Variants in PGBD5 observed in about 807,000 individuals in gnomAD.
PGBD5 encodes piggyBac transposable element derived 5, also known as piggyBac transposable element-derived protein 5.
PGBD5 carries 14 observed loss-of-function variants against 47.9 expected under a neutral mutation model. The ratio of observed to expected loss-of-function variants is 0.29; its 90% CI spans 0.19 to 0.46. The LOEUF is 0.46. Ranked by LOEUF, PGBD5 falls within the 20% of genes least tolerant of loss-of-function variation. The probability of loss-of-function intolerance (pLI) is 1.00; values close to 1 mark genes in which losing one functional copy is unlikely to be tolerated. For synonymous variants in PGBD5, 316 were observed against 306.3 expected, an observed-to-expected ratio of 1.03 and a Z score of -0.33; for missense variants, 635 against 716.0, an observed-to-expected ratio of 0.89 and a Z score of 1.29.
chr1:230,390,136 G>T (rs943862238), intron 1 of PGBD5, among the ~76,000 whole-genome samples: 1 of 152,188 alleles, frequency 6.6e-6, no homozygotes, highest in Non-Finnish European at 1.5e-5. Context: ...GGACACAGCA[G>T]AGAGTGGGGA....
In PGBD5 at chr1:230,316,082, G is replaced by A. The variant is rs201573464; in HGVS notation, c.*7343C>T. 1.5e-4 allele frequency: 21 copies of A among 135,846 alleles called. 3 individuals are homozygous for A. The highest frequency in any genetic ancestry group is 2.4e-4 in the South Asian group (1 of 4,120). The allele number at this position is 135,846 out of a possible 1,614,324, so 8.4% of individuals were successfully genotyped here. A position where few individuals can be genotyped will look rare whatever the true frequency, so the allele number is the denominator to read the frequency against. On this transcript the variant is annotated 3_prime_UTR_variant, in exon 7 of 7. Transcript: ENST00000391860. ...TGTATGTGTATACATACATGTTTATGTGTATACATACATATGTTTATGTGT... is the reference window on the plus strand; with the variant it reads ...TGTATGTGTATACATACATGTTTATATGTATACATACATATGTTTATGTGT...
chr1:230,323,415 G>GC lies in PGBD5; in HGVS notation c.*9dup. ...TGCCCCTCCCTTGACCGAGTCCTGC[G>GC]CCCCCAGCATCAGTGGGTCGGAGAG... is the stretch of plus-strand genomic sequence containing the variant. On this transcript the variant is annotated 3_prime_UTR_variant, in exon 7 of 7. Transcript: ENST00000391860. This position sits in a 1 kb window ranked among gnomAD's most constrained non-coding sequence, Gnocchi z 4.1. The GC allele has an allele frequency of 6.2e-7, 1 of 1,610,474 alleles. No homozygotes were observed. The highest frequency in any genetic ancestry group is 8.5e-7 in the Non-Finnish European group (1 of 1,178,244).
chr1:230,331,900 T>C (rs1667222893), intron 5 of PGBD5, among the ~76,000 whole-genome samples: 1 of 151,414 alleles, frequency 6.6e-6, no homozygotes, highest in Non-Finnish European at 1.5e-5. Context: ...GGTCCCTTGA[T>C]CGCAATCTCC....
intron 3 of PGBD5, among the ~76,000 whole-genome samples, chr1:230,348,873 C>T (rs1004593450): frequency 2.6e-5 from 4 of 152,210 alleles, no homozygotes; most frequent in Non-Finnish European, 5.9e-5. Flanking sequence ...GCCTCCTTGG[C>T]TCTGCACCTC....
intron 1 of PGBD5, among the ~76,000 whole-genome samples, chr1:230,384,402 AG>A (rs754961300): frequency 2.0e-5 from 3 of 152,078 alleles, no homozygotes; most frequent in African/African-American, 4.8e-5. Flanking sequence ...GACTGTGTAG[AG>A]GGACTCTGGG....
intron 3 of PGBD5, 138 bp downstream of exon 3, chr1:230,350,820 G>T: frequency 7.8e-7 from 1 of 1,283,234 alleles, no homozygotes; most frequent in Non-Finnish European, 1.1e-6. Context: ...GGCCTCCGCA[G>T]GAGCATCTGG....
At chr1:230,375,777 G>C (rs752637467) in intron 1 of PGBD5, among the ~76,000 whole-genome samples, 1 of 149,578 alleles carries the variant, frequency 6.7e-6, no homozygotes, top group Non-Finnish European at 1.5e-5. Flanking sequence ...ACACGTACTA[G>C]TGTTGGCAGC....
intron 1 of PGBD5, among the ~76,000 whole-genome samples, chr1:230,375,944 T>C (rs1443598799): frequency 6.6e-6 from 1 of 151,714 alleles, no homozygotes; most frequent in East Asian, 1.9e-4. Flanking sequence ...CTGTGTGAGA[T>C]GCCTCAGTCC....
At chr1:230,365,948 CA>C (rs1455574831) in intron 1 of PGBD5, among the ~76,000 whole-genome samples, 1 of 152,224 alleles carries the variant, frequency 6.6e-6, no homozygotes, top group Non-Finnish European at 1.5e-5. Flanking sequence ...AGCAAGATAA[CA>C]ACACAGGAAG....
In PGBD5 at chr1:230,333,775, T is replaced by C. The variant is rs532957733; in HGVS notation, c.1076-734A>G. Among the ~76,000 whole-genome samples, 24 of 152,336 alleles carry C rather than the reference T, an allele frequency of 1.6e-4. No individual in the cohort carries two copies. The South Asian group carries it at 4.4e-3, about 28-fold the overall frequency. Reference sequence around the variant, plus strand: ...TGAGGGAGAAGGAGCTTGAGCTCGGTCTTTCAGGCCTGGAAGACTGGCATG... The same window carrying C: ...TGAGGGAGAAGGAGCTTGAGCTCGGCCTTTCAGGCCTGGAAGACTGGCATG... On this transcript the variant is annotated intron_variant, in intron 4 of 6. Transcript: ENST00000391860.
At chr1:230,346,065 A>G (rs562762520) in intron 3 of PGBD5, among the ~76,000 whole-genome samples, 1 of 152,026 alleles carries the variant, frequency 6.6e-6, no homozygotes, top group South Asian at 2.1e-4. Flanking sequence ...TTTTTGAGAC[A>G]GGGTCTCGCT....
Position 230,364,195 on chromosome 1 carries a change from G to A in PGBD5, c.332-6874C>T, listed in dbSNP as rs544399514. On this transcript the variant is annotated intron_variant, in intron 1 of 6. Coordinates refer to ENST00000391860, the MANE Select transcript of PGBD5 (RefSeq NM_001258311.2). ...GGTACTCCCGTGGGGGTAGGTGCCC[G>A]TGGGGTTGAGTCCTGGCTCACTTCC... Among the ~76,000 whole-genome samples the A allele has an allele frequency of 1.2e-4, 18 of 152,362 alleles. No individual in the cohort carries two copies. The South Asian group carries it at 1.2e-3, about 11-fold the overall frequency.
At chr1:230,326,756 C>A (rs1055651849) in intron 5 of PGBD5, among the ~76,000 whole-genome samples, 3 of 152,146 alleles carry the variant, frequency 2.0e-5, no homozygotes, top group African/African-American at 4.8e-5. Flanking sequence ...ATTACATGTG[C>A]GAGCCTCCAC....
At chr1:230,350,129 G>C (rs1313558718) in intron 3 of PGBD5, among the ~76,000 whole-genome samples, 1 of 152,250 alleles carries the variant, frequency 6.6e-6, no homozygotes, top group East Asian at 1.9e-4. Flanking sequence ...GGTCAAGCGA[G>C]GGCAGCAAGT....
chr1:230,360,250 C>A (rs1667722021), intron 1 of PGBD5, among the ~76,000 whole-genome samples: 1 of 152,200 alleles, frequency 6.6e-6, no homozygotes, highest in South Asian at 2.1e-4. Flanking sequence ...AACTGGGAAG[C>A]AGCCAGCTCC....
chr1:230,339,026 G>A (rs1351382621), intron 3 of PGBD5, among the ~76,000 whole-genome samples: 1 of 152,136 alleles, frequency 6.6e-6, no homozygotes, highest in African/African-American at 2.4e-5. Context: ...CCACATTACT[G>A]TTTGAGCGAA....
intron 1 of PGBD5, among the ~76,000 whole-genome samples, chr1:230,405,761 C>T (rs999249295): frequency 1.3e-5 from 2 of 152,200 alleles, no homozygotes; most frequent in African/African-American, 4.8e-5. Context: ...ACCAATGAGC[C>T]AAACGGTCTT....
intron 1 of PGBD5, among the ~76,000 whole-genome samples, chr1:230,372,950 GC>G (rs1318706744): frequency 2.6e-5 from 4 of 152,144 alleles, no homozygotes; most frequent in Non-Finnish European, 5.9e-5. Context: ...TAACTCTGCA[GC>G]TCTGCCAAGA....
chr1:230,373,027 T>C (rs1667952678), intron 1 of PGBD5, among the ~76,000 whole-genome samples: 1 of 152,198 alleles, frequency 6.6e-6, no homozygotes, highest in South Asian at 2.1e-4. Context: ...AGTTTTCACT[T>C]TAATAAAGGC....
Sources: gnomAD v4.1 joint callset for allele counts (sites outside exome capture counted in the v4.1 genomes callset) on GRCh38, gnomAD v4.1.1 for gene constraint, Gnocchi (gnomAD v3.1) non-coding constraint, MANE v1.5 for transcripts, NCBI Gene and HGNC (gene_info 2026-07-23, HGNC 2026-07-21) for gene names.